FHIT: variants seen among roughly 807,000 people sequenced by gnomAD.
FHIT encodes the protein bis(5'-adenosyl)-triphosphatase.
Under a neutral mutation model 17.9 loss-of-function variants are expected in FHIT, and 19 were observed. The ratio of observed to expected loss-of-function variants is 1.06; its 90% CI spans 0.74 to 1.56. The LOEUF is 1.56. Ranked by LOEUF, FHIT falls within the 40% of genes most tolerant of loss-of-function variation. The pLI is 0.00. For missense variants in FHIT, 248 were observed against 189.2 expected, an observed-to-expected ratio of 1.31 and a Z score of -1.82; for synonymous variants, 81 against 69.7, an observed-to-expected ratio of 1.16 and a Z score of -0.81.
At chr3:59,984,648 C>A (rs960492384) in intron 7 of FHIT, among the ~76,000 whole-genome samples, 2 of 151,970 alleles carry the variant, frequency 1.3e-5, no homozygotes, top group South Asian at 2.1e-4. Flanking sequence ...AGAATGGAAC[C>A]AAGGCACACA....
intron 8 of FHIT, among the ~76,000 whole-genome samples, chr3:59,838,874 G>C (rs913243901): frequency 6.6e-6 from 1 of 152,124 alleles, no homozygotes; most frequent in Admixed American, 6.6e-5. Flanking sequence ...ACTGAAGCGG[G>C]CTAGGTTGTC....
intron 5 of FHIT, among the ~76,000 whole-genome samples, chr3:60,055,440 T>C: frequency 7.1e-6 from 1 of 141,040 alleles, no homozygotes; most frequent in East Asian, 2.0e-4. Context: ...TGTATGGTGA[T>C]GGACTTTCTT....
chr3:60,994,487 T>C, intron 3 of FHIT, among the ~76,000 whole-genome samples: 1 of 152,260 alleles, frequency 6.6e-6, no homozygotes. Flanking sequence ...GAAAATGGAC[T>C]TTGAAATCAA....
chr3:60,198,133 A>G (rs774457727), intron 5 of FHIT, among the ~76,000 whole-genome samples: 8 of 78,990 alleles, frequency 1.0e-4, no homozygotes, highest in Admixed American at 1.6e-4. Flanking sequence ...TAAAGTTTAG[A>G]TGAGGCAGGA....
At chr3:59,910,749 G>A (rs531710138) in intron 8 of FHIT, among the ~76,000 whole-genome samples, 2 of 152,254 alleles carry the variant, frequency 1.3e-5, no homozygotes, top group Admixed American at 1.3e-4. Flanking sequence ...ACATCAGTAG[G>A]CAGGTATGAA....
chr3:60,354,639 T>A (rs1699566967), intron 5 of FHIT, among the ~76,000 whole-genome samples: 1 of 151,548 alleles, frequency 6.6e-6, no homozygotes, highest in African/African-American at 2.4e-5. Context: ...CTGCTGAGAG[T>A]GAATATAAAA....
At chr3:61,049,473 G>A (rs1337169107) in intron 2 of FHIT, among the ~76,000 whole-genome samples, 1 of 152,006 alleles carries the variant, frequency 6.6e-6, no homozygotes, top group Non-Finnish European at 1.5e-5. Flanking sequence ...ACTACTATGA[G>A]TGGACATAAA....
chr3:59,983,546 C>A (rs75979534), intron 7 of FHIT, among the ~76,000 whole-genome samples: 1,788 of 152,206 alleles, frequency 0.012, 32 homozygotes, highest in African/African-American at 0.04. Flanking sequence ...TTCATCGTAA[C>A]TATGTACATA....
chr3:60,371,696 A>G (rs1024730567), intron 5 of FHIT, among the ~76,000 whole-genome samples: 2 of 152,194 alleles, frequency 1.3e-5, no homozygotes, highest in Non-Finnish European at 2.9e-5. Flanking sequence ...TCCAAAGCAC[A>G]TTTAAAAAAT....
intron 5 of FHIT, among the ~76,000 whole-genome samples, chr3:60,386,747 C>T (rs553641960): frequency 6.6e-6 from 1 of 152,186 alleles, no homozygotes; most frequent in African/African-American, 2.4e-5. Context: ...AAGAAACCAA[C>T]CTACACTCTC....
intron 5 of FHIT, among the ~76,000 whole-genome samples, chr3:60,030,888 G>C (rs79552122): frequency 6.6e-6 from 1 of 152,152 alleles, no homozygotes; most frequent in Non-Finnish European, 1.5e-5. Flanking sequence ...TTAGTAAGTA[G>C]AGAGTAGAAA....
chr3:60,289,454 G>A (rs965992865), intron 5 of FHIT, among the ~76,000 whole-genome samples: 1 of 152,114 alleles, frequency 6.6e-6, no homozygotes, highest in Admixed American at 6.6e-5. Flanking sequence ...GATTATAAAA[G>A]AGGAAACGAC....
At chr3:60,638,425 C>T (rs2682941) in intron 4 of FHIT, among the ~76,000 whole-genome samples, 4 of 152,184 alleles carry the variant, frequency 2.6e-5, no homozygotes, top group Non-Finnish European at 5.9e-5. Flanking sequence ...ACATGTGAAT[C>T]TAGGATCAAT....
chr3:60,506,648 A>C (rs1229627649), intron 5 of FHIT, among the ~76,000 whole-genome samples: 2 of 152,176 alleles, frequency 1.3e-5, no homozygotes, highest in Non-Finnish European at 1.5e-5. Flanking sequence ...TCCCAAAGGA[A>C]GCTTTAAACG....
chr3:60,676,288 T>C (rs1374644393), intron 4 of FHIT, among the ~76,000 whole-genome samples: 9 of 152,176 alleles, frequency 5.9e-5, no homozygotes. Flanking sequence ...TTTATTTTTG[T>C]TGTGTGTATT....
At chr3:60,520,671 A>T (rs778299735) in intron 5 of FHIT, among the ~76,000 whole-genome samples, 1 of 152,124 alleles carries the variant, frequency 6.6e-6, no homozygotes, top group Non-Finnish European at 1.5e-5. Flanking sequence ...CATTAAAATT[A>T]GTTCAAAGAG....
chr3:60,131,018 C>CACATATATACATATGTGTATATATAA (rs1699558683), intron 5 of FHIT, among the ~76,000 whole-genome samples: 1 of 112,384 alleles, frequency 8.9e-6, no homozygotes, highest in African/African-American at 4.6e-5. Flanking sequence ...TGTATATATA[C>CACATATATACATATGTGTATATATAA]ACATATATAC....
At position 60,569,755 on chromosome 3, in the gene FHIT, AT is replaced by A. The variant is rs1553654909; in HGVS notation, c.-17-32777del. Among the ~76,000 whole-genome samples the A allele has an allele frequency of 5.6e-4, 43 of 77,340 alleles. 1 individual carries two copies. Among genetic ancestry groups the A allele is most frequent in the African/African-American group, 1.6e-3 (34 of 20,668 alleles). 50.7% of individuals were successfully genotyped at this position (77,340 alleles called of 152,430 possible). ...TATATATATATATATATATATATAT[AT>A]TTTTTTTTTTTTTAGACAGAGTTTT... On this transcript the variant is annotated intron_variant, in intron 4 of 9. Coordinates refer to ENST00000492590, the MANE Select transcript of FHIT (RefSeq NM_002012.4).
chr3:60,727,794 G>C (rs2041947137), intron 4 of FHIT, among the ~76,000 whole-genome samples: 2 of 152,202 alleles, frequency 1.3e-5, no homozygotes. Flanking sequence ...ACAAGGTCAG[G>C]AGATAGAGAC....
Sources: allele counts gnomAD v4.1 joint callset (sites outside exome capture counted in the v4.1 genomes callset), GRCh38; gene constraint gnomAD v4.1.1; transcripts MANE v1.5; gene names NCBI Gene and HGNC (gene_info 2026-07-23, HGNC 2026-07-21).